CTNNA2: variants seen among roughly 807,000 people sequenced by gnomAD.
The protein encoded by CTNNA2 is catenin alpha-2.
In CTNNA2, 42 loss-of-function variants were observed where a neutral mutation model predicts 101.0. The observed-to-expected ratio is 0.42, with a 90% CI of 0.32 to 0.54. The LOEUF (loss-of-function observed/expected upper bound fraction) is 0.54. CTNNA2 is among the 20% of genes least tolerant of loss of function. The pLI is 0.14. For missense variants in CTNNA2, 871 were observed against 1,223.1 expected (o/e 0.71, Z 4.29); for synonymous variants, 450 against 456.4 (o/e 0.99, Z 0.18).
chr2:80,398,869 A>G (rs1212835022), intron 8 of CTNNA2, among the ~76,000 whole-genome samples: 1 of 151,760 alleles, frequency 6.6e-6, no homozygotes, highest in African/African-American at 2.4e-5. Flanking sequence ...TCTGTCTCAA[A>G]AAAAAAGAAA....
intron 6 of CTNNA2, among the ~76,000 whole-genome samples, chr2:79,892,898 T>A (rs1366029923): frequency 6.6e-6 from 1 of 152,186 alleles, no homozygotes; most frequent in African/African-American, 2.4e-5. Context: ...TTCTAATTGT[T>A]AAAAGCTCTA....
chr2:80,440,283 T>G (rs1682444531), intron 9 of CTNNA2, among the ~76,000 whole-genome samples: 1 of 152,130 alleles, frequency 6.6e-6, no homozygotes, highest in Admixed American at 6.6e-5. Flanking sequence ...ATGGGGTGAT[T>G]AGAAAGAACA....
chr2:79,418,887 G>A (rs559885109), intron 4 of CTNNA2, among the ~76,000 whole-genome samples: 3,489 of 81,704 alleles, frequency 0.043, 152 homozygotes, highest in African/African-American at 0.12. Context: ...TTGAACAAGT[G>A]AGATTATTAA....
At chr2:79,954,197 A>G (rs1689069706) in intron 7 of CTNNA2, among the ~76,000 whole-genome samples, 1 of 152,200 alleles carries the variant, frequency 6.6e-6, no homozygotes, top group South Asian at 2.1e-4. Context: ...ACTCACTATC[A>G]TGAGAACAGC....
intron 3 of CTNNA2, among the ~76,000 whole-genome samples, chr2:79,320,878 C>T (rs1573074479): frequency 6.6e-6 from 1 of 152,180 alleles, no homozygotes; most frequent in East Asian, 1.9e-4. Context: ...CCTGAAGTAC[C>T]AAAAGTCTAG....
chr2:80,527,928 TTA>T (rs1325551399), intron 9 of CTNNA2, among the ~76,000 whole-genome samples: 16 of 152,178 alleles, frequency 1.1e-4, no homozygotes, highest in South Asian at 2.1e-4. Context: ...ACATCAGAAT[TTA>T]TGAGTGTGGG....
At chr2:80,499,265 C>A (rs1300939498) in intron 9 of CTNNA2, among the ~76,000 whole-genome samples, 1 of 152,198 alleles carries the variant, frequency 6.6e-6, no homozygotes, top group East Asian at 1.9e-4. Flanking sequence ...GTACAGCTCT[C>A]ATGTTATTCT....
chr2:80,581,001 G>T (rs905446990), intron 13 of CTNNA2, among the ~76,000 whole-genome samples: 20 of 136,990 alleles, frequency 1.5e-4, no homozygotes, highest in African/African-American at 5.4e-4. Context: ...GGGCTACACA[G>T]TGAGACCCTG....
intron 3 of CTNNA2, among the ~76,000 whole-genome samples, chr2:79,831,237 C>T (rs572991279): frequency 2.1e-4 from 32 of 151,756 alleles, no homozygotes; most frequent in Non-Finnish European, 3.5e-4. Context: ...TTTGGTTTTA[C>T]TCCATAGACT....
At chr2:79,748,377 T>A (rs1671783086) in intron 3 of CTNNA2, among the ~76,000 whole-genome samples, 1 of 152,226 alleles carries the variant, frequency 6.6e-6, no homozygotes, top group South Asian at 2.1e-4. Context: ...TATTCAGAAA[T>A]TATGGACACA....
chr2:79,706,334 C>G (rs1230955548), intron 2 of CTNNA2, among the ~76,000 whole-genome samples: 35 of 144,890 alleles, frequency 2.4e-4, no homozygotes, highest in East Asian at 4.2e-4. Context: ...CTGCACTCCG[C>G]CCTGGGCGAC....
chr2:79,935,875 A>G (rs981732055), intron 7 of CTNNA2, among the ~76,000 whole-genome samples: 2 of 152,138 alleles, frequency 1.3e-5, no homozygotes, highest in Admixed American at 6.5e-5. Context: ...TTATTTACCC[A>G]GTTGTTGAAA....
At chr2:79,276,337 C>T (rs570878945) in intron 2 of CTNNA2, among the ~76,000 whole-genome samples, 101 of 152,182 alleles carry the variant, frequency 6.6e-4, no homozygotes, top group African/African-American at 2.3e-3. Context: ...GCTAAAATAT[C>T]CTCCTAATGT....
chr2:79,635,551 T>G (rs2104385493), intron 1 of CTNNA2, among the ~76,000 whole-genome samples: 1 of 151,832 alleles, frequency 6.6e-6, no homozygotes, highest in South Asian at 2.1e-4. Context: ...TCGCCCAGAC[T>G]GGAGTGTAGT....
intron 4 of CTNNA2, among the ~76,000 whole-genome samples, chr2:79,391,203 T>C (rs369951962): frequency 6.6e-6 from 1 of 152,226 alleles, no homozygotes; most frequent in African/African-American, 2.4e-5. Flanking sequence ...ATATGGGTTT[T>C]AATTTTGTGA....
At chr2:80,093,947 C>A (rs1045947543) in intron 7 of CTNNA2, among the ~76,000 whole-genome samples, 44 of 151,900 alleles carry the variant, frequency 2.9e-4, no homozygotes, top group African/African-American at 1.0e-3. Flanking sequence ...TTCTCCCATT[C>A]TGTAGGTTGC....
intron 9 of CTNNA2, among the ~76,000 whole-genome samples, chr2:80,438,546 A>T (rs1018380144): frequency 3.9e-5 from 6 of 152,144 alleles, no homozygotes; most frequent in Admixed American, 2.6e-4. Context: ...CCCAGAGATG[A>T]ATTTTATGAT....
intron 18 of CTNNA2, among the ~76,000 whole-genome samples, chr2:80,645,054 G>T (rs1462296178): frequency 6.6e-6 from 1 of 152,080 alleles, no homozygotes; most frequent in Non-Finnish European, 1.5e-5. Flanking sequence ...ACTCTTTGGG[G>T]ACCATTTAAT....
chr2:79,199,613 A>G (rs1165880833), intron 2 of CTNNA2, among the ~76,000 whole-genome samples: 2 of 152,192 alleles, frequency 1.3e-5, no homozygotes, highest in African/African-American at 2.4e-5. Context: ...CACAAAAACT[A>G]TATGAATAAT....
Sources: gnomAD v4.1 joint callset for allele counts (sites outside exome capture counted in the v4.1 genomes callset) on GRCh38, gnomAD v4.1.1 for gene constraint, MANE v1.5 for transcripts, NCBI Gene and HGNC (gene_info 2026-07-23, HGNC 2026-07-21) for gene names.